The following PIGK variants were observed in gnomAD, a reference collection of about 807,000 sequenced individuals.
The protein encoded by PIGK is phosphatidylinositol glycan anchor biosynthesis class K.
Under a neutral mutation model 50.6 loss-of-function variants are expected in PIGK, and 42 were observed. The observed-to-expected ratio is 0.83, with a 90% CI of 0.65 to 1.07. The LOEUF is 1.07. Ranked by LOEUF, PIGK falls within the 50% of genes least tolerant of loss-of-function variation. PIGK has a pLI of 0.00. For synonymous variants in PIGK, 151 were observed against 156.0 expected (o/e 0.97, Z 0.24); for missense variants, 448 against 488.7 (o/e 0.92, Z 0.78).
In PIGK at chr1:77,219,367, A is replaced by C; in HGVS notation, c.36T>G (p.Thr12=). Residue 12 remains threonine (T), a synonymous_variant, in exon 1 of 11, where the codon ACT becomes ACG. Coordinates refer to ENST00000370812, the MANE Select transcript of PIGK (RefSeq NM_005482.3). The stretch of plus-strand genomic sequence containing the variant: ...ACAAGAGCAACACAGTTGCCAAGAC[A>C]GTCGCAGCCCGGCTGAGGCTGTCGG... ...AVTDSLSRAA[T]VLATVLLLSF... is the part of the protein sequence containing the mutation. The C allele has an allele frequency of 6.2e-7, 1 of 1,613,858 alleles. No homozygotes were observed. The highest frequency in any genetic ancestry group is 8.5e-7 in the Non-Finnish European group (1 of 1,179,844).
rs200093843 is a variant in PIGK, at chr1:77,132,750, TTC to T, written c.987-10393_987-10392del. Among the ~76,000 whole-genome samples, 712 of 152,186 alleles carry T rather than the reference TTC, an allele frequency of 4.7e-3. 4 individuals are homozygous for T. The highest frequency in any genetic ancestry group is 0.027 in the Middle Eastern group (8 of 294). On this transcript the variant is annotated intron_variant, in intron 9 of 10. Coordinates refer to ENST00000370812, the MANE Select transcript of PIGK (RefSeq NM_005482.3). ...TTATTTCAAGTGCATTGGCAACAAA[TTC>T]TCTGTCTGAAAAACATTTTGATTTC...
intron 9 of PIGK, among the ~76,000 whole-genome samples, chr1:77,141,719 G>C (rs1476378080): frequency 6.6e-6 from 1 of 151,914 alleles, no homozygotes; most frequent in African/African-American, 2.4e-5. Context: ...AACATCTGTA[G>C]AAAAACATAC....
chr1:77,219,051 T>G (rs1656656402), intron 1 of PIGK, among the ~76,000 whole-genome samples: 1 of 152,200 alleles, frequency 6.6e-6, no homozygotes. Flanking sequence ...GTATTTCACC[T>G]AAGAACTGCA....
intron 8 of PIGK, among the ~76,000 whole-genome samples, chr1:77,158,232 G>T (rs1655057066): frequency 6.6e-6 from 1 of 151,922 alleles, no homozygotes; most frequent in African/African-American, 2.4e-5. Flanking sequence ...GGCCAGGCTG[G>T]TCTAGAACTC....
At chr1:77,112,715 T>C (rs749165725) in intron 10 of PIGK, among the ~76,000 whole-genome samples, 6 of 152,092 alleles carry the variant, frequency 3.9e-5, no homozygotes, top group Admixed American at 3.3e-4. Flanking sequence ...GCACCTTTTT[T>C]TCCCTGTACA....
intron 9 of PIGK, among the ~76,000 whole-genome samples, chr1:77,150,489 C>CAAA (rs541372066): frequency 4.6e-5 from 4 of 86,114 alleles, no homozygotes; most frequent in Admixed American, 1.2e-4. Flanking sequence ...GACTCAATCT[C>CAAA]AAAAAAAAAA....
chr1:77,097,549 A>T (rs1362075777), intron 10 of PIGK, among the ~76,000 whole-genome samples: 1 of 151,546 alleles, frequency 6.6e-6, no homozygotes, highest in Non-Finnish European at 1.5e-5. Context: ...TTCAACTATG[A>T]TTTGGGTTTT....
chr1:77,184,255 T>C (rs973228826), intron 3 of PIGK, among the ~76,000 whole-genome samples: 2 of 152,128 alleles, frequency 1.3e-5, no homozygotes, highest in African/African-American at 4.8e-5. Context: ...GCATTCCTAC[T>C]TAATTTAACA....
chr1:77,168,811 C>T (rs905080815), intron 4 of PIGK, among the ~76,000 whole-genome samples: 1 of 151,472 alleles, frequency 6.6e-6, no homozygotes, highest in African/African-American at 2.4e-5. Flanking sequence ...AGTATAATAC[C>T]ATTTTTTACA....
Position 77,206,641 on chromosome 1 carries a change from T to C in PIGK, c.238A>G (p.Ser80Gly), listed in dbSNP as rs771962727. Reference sequence around the variant, plus strand: ...TTAAGCTTTATTAAGGCTTCTTACCTGTCAGGAATACCTAGCCTCTTGACA... The same window carrying C: ...TTAAGCTTTATTAAGGCTTCTTACCCGTCAGGAATACCTAGCCTCTTGACA... ...RSVKRLGIPD[S>G]HIVLMLADDM... The change falls in exon 3 of 11, where the codon AGT becomes GGT. Residue 80 changes from serine to glycine, a missense_variant and splice_region_variant. Physicochemically the swap from Ser to Gly is moderately conservative, Grantham distance 56. Coordinates refer to ENST00000370812, the MANE Select transcript of PIGK (RefSeq NM_005482.3). The C allele has an allele frequency of 2.6e-6, 4 of 1,555,492 alleles. No individual in the cohort carries two copies. Among genetic ancestry groups the C allele is most frequent in the East Asian group, 2.2e-5 (1 of 44,494 alleles).
intron 1 of PIGK, 108 bp from the exon 2 acceptor site, chr1:77,210,597 C>T: frequency 1.6e-6 from 1 of 610,862 alleles, no homozygotes; most frequent in Non-Finnish European, 2.8e-6. Context: ...TAACAATCAT[C>T]TTACGTAAGT....
intron 9 of PIGK, among the ~76,000 whole-genome samples, chr1:77,126,472 T>G (rs1413613746): frequency 6.6e-6 from 1 of 152,138 alleles, no homozygotes; most frequent in East Asian, 1.9e-4. Context: ...AAGTGGCACT[T>G]TTTGTGGTGG....
intron 9 of PIGK, among the ~76,000 whole-genome samples, chr1:77,139,942 T>C (rs1014817960): frequency 6.6e-6 from 1 of 152,202 alleles, no homozygotes; most frequent in Admixed American, 6.5e-5. Flanking sequence ...TGTATCTCAT[T>C]CTAATATTAC....
At chr1:77,148,950 A>C (rs1041539324) in intron 9 of PIGK, among the ~76,000 whole-genome samples, 1 of 151,350 alleles carries the variant, frequency 6.6e-6, no homozygotes, top group South Asian at 2.1e-4. Context: ...CTCCTGACCT[A>C]GTGATCTGCC....
intron 1 of PIGK, among the ~76,000 whole-genome samples, chr1:77,217,674 G>T (rs1656601492): frequency 6.6e-6 from 1 of 152,136 alleles, no homozygotes; most frequent in African/African-American, 2.4e-5. Flanking sequence ...TTAGGAAACT[G>T]TTGCTCCTAT....
chr1:77,170,517 C>T (rs544966170), intron 3 of PIGK, among the ~76,000 whole-genome samples: 170 of 152,290 alleles, frequency 1.1e-3, no homozygotes, highest in African/African-American at 4.0e-3. Context: ...CATCTCCTAT[C>T]ACCACCACCC....
intron 3 of PIGK, among the ~76,000 whole-genome samples, chr1:77,183,013 T>A (rs949156695): frequency 6.6e-6 from 1 of 152,144 alleles, no homozygotes; most frequent in Non-Finnish European, 1.5e-5. Context: ...GAGCCTCCCA[T>A]CTGCTAAGAT....
chr1:77,091,493 G>A lies in PIGK; in HGVS notation c.*881C>T, dbSNP rs1653296881. On this transcript the variant is annotated 3_prime_UTR_variant, in exon 11 of 11. Transcript: ENST00000370812. ...TAAAACAGAATGAAATAAAGTCCTT[G>A]TTGGCTCTCTCTTTCAAGATGGAAA... 1 of 152,180 alleles carries A rather than the reference G, an allele frequency of 6.6e-6. No individual in the cohort carries two copies. Among genetic ancestry groups the A allele is most frequent in the South Asian group, 2.1e-4 (1 of 4,836 alleles). 9.4% of individuals were successfully genotyped at this position (152,180 alleles called of 1,614,324 possible). A position where few individuals can be genotyped will look rare whatever the true frequency, so the allele number is the denominator to read the frequency against.
At chr1:77,094,992 T>C (rs1653378099) in intron 10 of PIGK, among the ~76,000 whole-genome samples, 1 of 152,190 alleles carries the variant, frequency 6.6e-6, no homozygotes, top group African/African-American at 2.4e-5. Flanking sequence ...AGTAAACTTA[T>C]TCACATGATA....
Sources: gnomAD v4.1 joint callset for allele counts (sites outside exome capture counted in the v4.1 genomes callset) on GRCh38, gnomAD v4.1.1 for gene constraint, MANE v1.5 for transcripts, NCBI Gene and HGNC (gene_info 2026-07-23, HGNC 2026-07-21) for gene names.